Variants in RUFY2 observed in about 807,000 individuals in gnomAD.
The protein encoded by RUFY2 is RUN and FYVE domain-containing protein 2.
RUFY2 carries 49 observed loss-of-function variants against 94.4 expected under a neutral mutation model. That is an observed-to-expected ratio of 0.52 (90% CI 0.41 to 0.66). The LOEUF (loss-of-function observed/expected upper bound fraction) is 0.66. Among genes scored for constraint, RUFY2 ranks in the 30% least tolerant of loss-of-function variants. The pLI is 0.00. For synonymous variants in RUFY2, 255 were observed against 235.7 expected (o/e 1.08, Z -0.75); for missense variants, 541 against 692.8 (o/e 0.78, Z 2.46).
intron 10 of RUFY2, among the ~76,000 whole-genome samples, chr10:68,382,542 G>A (rs559982492): frequency 1.4e-4 from 21 of 150,900 alleles, no homozygotes; most frequent in Non-Finnish European, 2.8e-4. Flanking sequence ...GTGAAACTCC[G>A]TCTCTACTAA....
intron 7 of RUFY2, among the ~76,000 whole-genome samples, chr10:68,392,569 C>T (rs1274411285): frequency 2.0e-5 from 3 of 151,772 alleles, no homozygotes; most frequent in Non-Finnish European, 4.4e-5. Flanking sequence ...CCTTTTTTGT[C>T]AAGGGTACAG....
chr10:68,375,053 C>T (rs1281666951), intron 13 of RUFY2, among the ~76,000 whole-genome samples: 2 of 151,990 alleles, frequency 1.3e-5, no homozygotes, highest in Admixed American at 1.3e-4. Context: ...CATATACTAA[C>T]ATCCTTCCTG....
intron 13 of RUFY2, among the ~76,000 whole-genome samples, chr10:68,374,998 A>G (rs1402037392): frequency 6.6e-6 from 1 of 152,170 alleles, no homozygotes; most frequent in African/African-American, 2.4e-5. Flanking sequence ...AAATTGAATC[A>G]TATTTGGCAT....
At chr10:68,406,531 C>T (rs2051320295) in intron 1 of RUFY2, among the ~76,000 whole-genome samples, 1 of 152,202 alleles carries the variant, frequency 6.6e-6, no homozygotes, top group Non-Finnish European at 1.5e-5. Context: ...GTTCCCACGC[C>T]GAGGGGCGTT....
Position 68,404,770 on chromosome 10 carries a change from C to G in RUFY2, c.79G>C (p.Glu27Gln). The G allele has an allele frequency of 6.2e-7, 1 of 1,613,570 alleles. No homozygotes were observed. The highest frequency in any genetic ancestry group is 8.5e-7 in the Non-Finnish European group (1 of 1,179,756). The change falls in exon 2 of 18, where the codon GAA becomes CAA. Residue 27 changes from glutamate to glutamine, a missense_variant. This residue lies in a region of RUFY2 where 53 missense variants were observed against 58.6 expected (regional missense o/e 0.90). Coordinates refer to ENST00000602465, the MANE Select transcript of RUFY2 (RefSeq NM_001330103.2). ...GTGCGGCCAAAGCTCAGAGCAGATTCAATGAGTCCTTTGATACTCAGTTTA... is the reference window on the plus strand; with the variant it reads ...GTGCGGCCAAAGCTCAGAGCAGATTGAATGAGTCCTTTGATACTCAGTTTA... The part of the protein sequence containing the change: ...MAKLSIKGLI[E>Q]SALSFGRTLD...
chr10:68,388,837 C>CAAAAAA (rs71009052), intron 7 of RUFY2, among the ~76,000 whole-genome samples: 10 of 102,178 alleles, frequency 9.8e-5, no homozygotes, highest in African/African-American at 1.5e-4. Context: ...AACCCTGTCT[C>CAAAAAA]AAAAAAAAAA....
intron 16 of RUFY2, among the ~76,000 whole-genome samples, chr10:68,349,804 C>T (rs2132293462): frequency 6.6e-6 from 1 of 152,062 alleles, no homozygotes; most frequent in Non-Finnish European, 1.5e-5. Context: ...TCCCAAAGTG[C>T]TGGGATTACA....
chr10:68,364,132 C>T lies in RUFY2; in HGVS notation c.1326-19G>A, dbSNP rs759301410. On this transcript the variant is annotated intron_variant, in intron 13 of 17. Coordinates refer to ENST00000602465, the MANE Select transcript of RUFY2 (RefSeq NM_001330103.2). ...TTGCACCCTTGAATGACAAATAACA[C>T]ACAGAAGCTCAGTGCTATTTCTCAC... 4 of 1,604,578 alleles carry T rather than the reference C, an allele frequency of 2.5e-6. No individual in the cohort carries two copies. The highest frequency in any genetic ancestry group is 1.7e-5 in the Admixed American group (1 of 59,294).
At chr10:68,366,965 C>T (rs2047896862) in intron 13 of RUFY2, among the ~76,000 whole-genome samples, 2 of 149,286 alleles carry the variant, frequency 1.3e-5, no homozygotes, top group East Asian at 2.0e-4. Flanking sequence ...GTCAGGAATT[C>T]GAGACCAGCC....
At position 68,345,493 on chromosome 10, in the gene RUFY2, C is replaced by A; in HGVS notation, c.*275G>T. ...ACAATCTGAAGCCTTATTTTTAAGG[C>A]CTTTACAAGATAAGGCAAGTTGTGT... On this transcript the variant is annotated 3_prime_UTR_variant, in exon 18 of 18. Coordinates refer to ENST00000602465, the MANE Select transcript of RUFY2 (RefSeq NM_001330103.2). 4.8e-6 allele frequency: 2 copies of A among 412,720 alleles called. No individual in the cohort carries two copies. The highest frequency in any genetic ancestry group is 4.2e-5 in the Admixed American group (1 of 23,770). 25.6% of individuals were successfully genotyped at this position (412,720 alleles called of 1,614,324 possible).
intron 13 of RUFY2, among the ~76,000 whole-genome samples, chr10:68,374,021 T>C (rs2048446250): frequency 6.9e-6 from 1 of 145,726 alleles, no homozygotes; most frequent in African/African-American, 2.6e-5. Flanking sequence ...CAAGCTGAGG[T>C]TGGGAGGATT....
At chr10:68,347,107 AAG>A (rs2046330941) in intron 16 of RUFY2, among the ~76,000 whole-genome samples, 2 of 151,996 alleles carry the variant, frequency 1.3e-5, no homozygotes, top group African/African-American at 4.8e-5. Flanking sequence ...GAGCCTGAGC[AAG>A]AGTGAGACCC....
At chr10:68,383,707 G>A in intron 10 of RUFY2, 91 bp downstream of exon 10, 1 of 912,086 alleles carries the variant, frequency 1.1e-6, no homozygotes, top group Middle Eastern at 2.2e-4. Context: ...CACCAAAAAG[G>A]ATAAGGCTGA....
rs2046171736 is a variant in RUFY2 at position 68,344,609 on chromosome 10, A to G, written c.*1159T>C. ...CAGCTACTTGGGAGGCTGAGGCAGG[A>G]GAATTGCTTGAACCCAGGAGGTGGA... On this transcript the variant is annotated 3_prime_UTR_variant, in exon 18 of 18. Transcript: ENST00000602465. The G allele has an allele frequency of 6.6e-6, 1 of 152,480 alleles. No individual in the cohort carries two copies. Among genetic ancestry groups the G allele is most frequent in the Non-Finnish European group, 1.5e-5 (1 of 68,314 alleles). 9.4% of individuals were successfully genotyped at this position (152,480 alleles called of 1,614,324 possible).
At chr10:68,406,661 A>C in intron 1 of RUFY2, 5 of 1,217,314 alleles carry the variant, frequency 4.1e-6, no homozygotes, top group Non-Finnish European at 5.6e-6. Context: ...GCCGGGGCCT[A>C]GAGCCCCTTC....
intron 3 of RUFY2, among the ~76,000 whole-genome samples, chr10:68,400,459 A>G (rs183922378): frequency 0.02 from 2,914 of 146,056 alleles, 37 homozygotes; most frequent in Middle Eastern, 0.072. Context: ...GGCGGATCAC[A>G]AGGTCAGGAG....
In RUFY2 at chr10:68,363,977, T is replaced by C. The variant is rs1302695334; in HGVS notation, c.1455+7A>G. The C allele has an allele frequency of 1.3e-6, 2 of 1,566,058 alleles. No individual in the cohort carries two copies. On this transcript the variant is annotated splice_region_variant and intron_variant, in intron 14 of 17. Transcript: ENST00000602465. The stretch of plus-strand genomic sequence containing the variant: ...GACAGAATTTTTAAAGTTTTACCAC[T>C]ATTTACTTTTTTAAGACTAATGATT...
chr10:68,371,931 C>A (rs1470266495), intron 13 of RUFY2, among the ~76,000 whole-genome samples: 1 of 152,020 alleles, frequency 6.6e-6, no homozygotes. Context: ...AATTCTATAC[C>A]CAGTGAAAAT....
chr10:68,373,888 TG>T (rs1238824121), intron 13 of RUFY2, among the ~76,000 whole-genome samples: 2 of 152,022 alleles, frequency 1.3e-5, no homozygotes, highest in Non-Finnish European at 2.9e-5. Context: ...GAGGATCACT[TG>T]AGCTCAGGAC....
Sources: allele counts gnomAD v4.1 joint callset (sites outside exome capture counted in the v4.1 genomes callset), GRCh38; gene constraint gnomAD v4.1.1; regional missense constraint gnomAD v4.1.1; transcripts MANE v1.5; gene names NCBI Gene and HGNC (gene_info 2026-07-23, HGNC 2026-07-21).